Variants in NACC2 observed in about 807,000 individuals in gnomAD.
The protein encoded by NACC2 is NACC family member 2, also known as nucleus accumbens-associated protein 2.
NACC2 carries 8 observed loss-of-function variants against 25.1 expected under a neutral mutation model. The ratio of observed to expected loss-of-function variants is 0.32; its 90% CI spans 0.19 to 0.57. The LOEUF (loss-of-function observed/expected upper bound fraction) is 0.57. Ranked by LOEUF, NACC2 falls within the 20% of genes least tolerant of loss-of-function variation. The pLI, the probability that NACC2 is intolerant of heterozygous loss-of-function variation, is 0.89. For missense variants in NACC2, 644 were observed against 650.2 expected (o/e 0.99, Z 0.10); for synonymous variants, 435 against 294.7 (o/e 1.48, Z -4.88).
rs374068338 is a variant in NACC2, at chr9:136,032,379, G to C, written c.887-15950C>G. On this transcript the variant is annotated intron_variant, in intron 2 of 5. Coordinates refer to ENST00000277554, the MANE Select transcript of NACC2 (RefSeq NM_144653.5). ...GCTTTTGTTACAATGCAACACTTAC[G>C]AGGAAAAAAAAAACCCTCTTAACCT... 3.5e-3 allele frequency among the ~76,000 whole-genome samples: 532 copies of C among 150,724 alleles called. 4 individuals carry two copies. The highest frequency in any genetic ancestry group is 0.012 in the African/African-American group (496 of 40,952).
At chr9:136,094,955 ACC>A (rs960346807) in intron 1 of NACC2, among the ~76,000 whole-genome samples, 19 of 144,748 alleles carry the variant, frequency 1.3e-4, no homozygotes, top group African/African-American at 4.5e-4. Context: ...CTCCGCCGGG[ACC>A]CCCCGGCCCC....
intron 1 of NACC2, among the ~76,000 whole-genome samples, chr9:136,066,135 A>G (rs911496957): frequency 2.0e-5 from 3 of 151,374 alleles, no homozygotes; most frequent in Non-Finnish European, 4.4e-5. Flanking sequence ...AGAGGTTGCA[A>G]TGAGCCACAA....
At chr9:136,079,055 CTTCTTTT>C (rs1564241867) in intron 1 of NACC2, among the ~76,000 whole-genome samples, 1 of 111,408 alleles carries the variant, frequency 9.0e-6, no homozygotes, top group African/African-American at 3.2e-5. Flanking sequence ...ATCATAGCTT[CTTCTTTT>C]TTTTTTTTTT....
At chr9:136,024,632 T>C (rs979461338) in intron 2 of NACC2, among the ~76,000 whole-genome samples, 7 of 152,156 alleles carry the variant, frequency 4.6e-5, no homozygotes, top group African/African-American at 1.7e-4. Flanking sequence ...TTTCACTCTA[T>C]GACCTTTTCC....
chr9:136,076,148 TGACA>T (rs1830260911), intron 1 of NACC2, among the ~76,000 whole-genome samples: 1 of 152,224 alleles, frequency 6.6e-6, no homozygotes. Flanking sequence ...CCATACCCCG[TGACA>T]TCCTAAGTCT....
chr9:136,026,077 C>T (rs997253426), intron 2 of NACC2, among the ~76,000 whole-genome samples: 10 of 151,524 alleles, frequency 6.6e-5, no homozygotes, highest in African/African-American at 2.2e-4. Flanking sequence ...TGGTGGCTCA[C>T]ACCTGTAACC....
rs73568816 is a variant in NACC2 at position 136,010,462 on chromosome 9, T to C, written c.*1054A>G. 5,491 of 152,058 alleles carry C rather than the reference T, an allele frequency of 0.036. 189 individuals carry two copies. The highest frequency in any genetic ancestry group is 0.086 in the African/African-American group (3,571 of 41,442). 9.4% of individuals were successfully genotyped at this position (152,058 alleles called of 1,614,324 possible). A position where few individuals can be genotyped will look rare whatever the true frequency, so the allele number is the denominator to read the frequency against. On this transcript the variant is annotated 3_prime_UTR_variant, in exon 6 of 6. Coordinates refer to ENST00000277554, the MANE Select transcript of NACC2 (RefSeq NM_144653.5). The surrounding 1 kb of genome is among the most constrained non-coding windows in gnomAD (Gnocchi z 4.9). ...CTAGTCGCCCACCCGGGACCCCCTT[T>C]TTCCCCCAGTGGGAGACGAGTGGTC...
chr9:136,060,535 C>A (rs1193813408), intron 1 of NACC2, among the ~76,000 whole-genome samples: 1 of 152,240 alleles, frequency 6.6e-6, no homozygotes, highest in Non-Finnish European at 1.5e-5. Flanking sequence ...CAGCTCCACA[C>A]TGGGGCCGGG....
At chr9:136,017,256 C>T (rs949936834) in intron 2 of NACC2, among the ~76,000 whole-genome samples, 1 of 152,184 alleles carries the variant, frequency 6.6e-6, no homozygotes, top group African/African-American at 2.4e-5. Context: ...GATGGCACCA[C>T]GCGTCAGAGA....
intron 1 of NACC2, among the ~76,000 whole-genome samples, chr9:136,083,410 C>T (rs1385231521): frequency 6.6e-6 from 1 of 152,164 alleles, no homozygotes; most frequent in African/African-American, 2.4e-5. Flanking sequence ...GACACTTTGG[C>T]CTTCACCCCT....
chr9:136,040,361 C>T (rs1840610222), intron 2 of NACC2, among the ~76,000 whole-genome samples: 1 of 151,010 alleles, frequency 6.6e-6, no homozygotes, highest in East Asian at 1.9e-4. Flanking sequence ...AAAAAATCAA[C>T]TTTATTCCTA....
chr9:136,075,785 A>T (rs1410191205), intron 1 of NACC2, among the ~76,000 whole-genome samples: 1 of 152,198 alleles, frequency 6.6e-6, no homozygotes, highest in African/African-American at 2.4e-5. Flanking sequence ...CCTCAGAGAC[A>T]GGGGTCTTGG....
intron 5 of NACC2, among the ~76,000 whole-genome samples, chr9:136,012,307 A>C (rs1332679797): frequency 1.3e-5 from 2 of 152,186 alleles, no homozygotes; most frequent in Non-Finnish European, 2.9e-5. Flanking sequence ...GCCTGTTTTT[A>C]ATCTCTCCGG....
rs1052626004 is a variant in NACC2 at position 136,039,959 on chromosome 9, T to C, written c.886+9677A>G. Among the ~76,000 whole-genome samples the C allele has an allele frequency of 2.8e-3, 433 of 152,278 alleles. 7 individuals carry two copies. The highest frequency in any genetic ancestry group is 0.025 in the Admixed American group (388 of 15,292). On this transcript the variant is annotated intron_variant, in intron 2 of 5. Coordinates refer to ENST00000277554, the MANE Select transcript of NACC2 (RefSeq NM_144653.5). Reference sequence around the variant, plus strand: ...TATTCACAAACAGGATGATGGCCTATGTAGGAAATGCCAAGGAATTTACGG... The same window carrying C: ...TATTCACAAACAGGATGATGGCCTACGTAGGAAATGCCAAGGAATTTACGG...
chr9:136,025,033 C>T (rs1486643446), intron 2 of NACC2, among the ~76,000 whole-genome samples: 2 of 152,014 alleles, frequency 1.3e-5, no homozygotes, highest in South Asian at 2.1e-4. Flanking sequence ...TGCCAAGAAA[C>T]GAAAAAAACA....
intron 2 of NACC2, among the ~76,000 whole-genome samples, chr9:136,036,534 TACAC>T (rs1425957233): frequency 3.9e-5 from 6 of 152,018 alleles, no homozygotes; most frequent in Admixed American, 1.3e-4. Flanking sequence ...TCTATATAAA[TACAC>T]ACATATACAT....
chr9:136,024,503 A>ATATG (rs369288682), intron 2 of NACC2, among the ~76,000 whole-genome samples: 3 of 124,664 alleles, frequency 2.4e-5, no homozygotes, highest in Non-Finnish European at 3.3e-5. Flanking sequence ...TGAGGACAGA[A>ATATG]TGTGTGTGTG....
chr9:136,016,314 G>A lies in NACC2; in HGVS notation c.1002C>T (p.Pro334=), dbSNP rs1213717321. The part of the protein sequence containing the change: ...LISQIGYRCH[P]KLYSEGDPGE... Reference sequence around the variant, plus strand: ...CGGGGTCCCCTTCCGAGTAGAGCTTGGGATGGCAGCGGTATCCGATCTGGC... The same window carrying A: ...CGGGGTCCCCTTCCGAGTAGAGCTTAGGATGGCAGCGGTATCCGATCTGGC... The change falls in exon 3 of 6, where the codon CCC becomes CCT. Residue 334 remains proline (P), a synonymous_variant. Transcript: ENST00000277554. 18 of 1,612,746 alleles carry A rather than the reference G, an allele frequency of 1.1e-5. No individual in the cohort carries two copies. The highest frequency in any genetic ancestry group is 5.3e-5 in the African/African-American group (4 of 74,922).
chr9:136,087,361 G>A (rs1409184785), intron 1 of NACC2, among the ~76,000 whole-genome samples: 2 of 152,166 alleles, frequency 1.3e-5, no homozygotes, highest in Non-Finnish European at 2.9e-5. Context: ...ACACCCCAGG[G>A]TGCTGGAAAA....
Sources: allele counts gnomAD v4.1 joint callset (sites outside exome capture counted in the v4.1 genomes callset), GRCh38; gene constraint gnomAD v4.1.1; non-coding constraint Gnocchi (gnomAD v3.1); transcripts MANE v1.5; gene names NCBI Gene and HGNC (gene_info 2026-07-23, HGNC 2026-07-21).